Variants in TRAP1 observed in about 807,000 individuals in gnomAD.
TRAP1 encodes the protein TNF receptor associated protein 1, also known as heat shock protein 75 kDa, mitochondrial.
A neutral mutation model predicts 89.1 loss-of-function variants in TRAP1; 102 were observed. The ratio of observed to expected loss-of-function variants is 1.15; its 90% CI spans 0.98 to 1.35. TRAP1 has a LOEUF of 1.35. Among genes scored for constraint, TRAP1 ranks in the 40% most tolerant of loss-of-function variants. The pLI is 0.00. For missense variants in TRAP1, 1,256 were observed against 945.3 expected, an observed-to-expected ratio of 1.33 and a Z score of -4.31; for synonymous variants, 508 against 388.0, an observed-to-expected ratio of 1.31 and a Z score of -3.64.
rs148940269 is a variant in TRAP1, at chr16:3,674,377, G to T, written c.1006C>A (p.Pro336Thr). 8.7e-6 allele frequency: 14 copies of T among 1,613,992 alleles called. No homozygotes were observed. The African/African-American group carries it at 1.6e-4, about 18-fold the overall frequency. The change falls in exon 9 of 18, where the codon CCG (proline) becomes ACG (threonine). Residue 336 changes from proline (P) to threonine (T), a missense_variant. Physicochemically the swap from Pro to Thr is conservative, Grantham distance 38 (BLOSUM62 -1). Transcript: ENST00000246957. ...TAGAAGATGCTGCGGATGTTGAGCGGTGCGTCCGTCTTATAGTGCAGGGTG... is the reference window on the plus strand; with the variant it reads ...TAGAAGATGCTGCGGATGTTGAGCGTTGCGTCCGTCTTATAGTGCAGGGTG... ...RYTLHYKTDA[P>T]LNIRSIFYVP...
chr16:3,698,318 CTTTT>C (rs766928982), intron 1 of TRAP1, among the ~76,000 whole-genome samples: 1 of 141,682 alleles, frequency 7.1e-6, no homozygotes, highest in Admixed American at 7.1e-5. Flanking sequence ...TCCACAACAA[CTTTT>C]TTTTTTTTTT....
rs780992830 is a variant in TRAP1 at position 3,663,597 on chromosome 16, G to A, written c.1570-35C>T. The A allele has an allele frequency of 5.1e-5, 82 of 1,610,700 alleles. 1 individual carries two copies. Among genetic ancestry groups the A allele is most frequent in the South Asian group, 3.4e-4 (31 of 91,020 alleles). On this transcript the variant is annotated intron_variant, in intron 13 of 17. Coordinates refer to ENST00000246957, the MANE Select transcript of TRAP1 (RefSeq NM_016292.3). ...GCCAAGAGCAGCTCCATCAGACCCC[G>A]GGGGCCTCCAGCCACCACAGAAGAA...
rs531014976 is a variant in TRAP1, at chr16:3,700,383, TCTCTAA to T, written c.89-9404_89-9399del. Among the ~76,000 whole-genome samples, 183 of 151,966 alleles carry T rather than the reference TCTCTAA, an allele frequency of 1.2e-3. 5 individuals carry two copies. The South Asian group carries it at 0.036, about 30-fold the overall frequency. ...GGTTTCTCCATGTTGGTCAGGCTGC[TCTCTAA>T]CTCCTGACCTCAGGTGATCCGCCCA... On this transcript the variant is annotated intron_variant, in intron 1 of 17. Coordinates refer to ENST00000246957, the MANE Select transcript of TRAP1 (RefSeq NM_016292.3).
chr16:3,675,945 CAG>C (rs2050986473), intron 7 of TRAP1, 89 bp downstream of exon 7: 1 of 1,145,556 alleles, frequency 8.7e-7, no homozygotes, highest in African/African-American at 1.5e-5. Flanking sequence ...ACCCTACGTG[CAG>C]GTAGAACCAG....
At chr16:3,674,859 C>CA in intron 8 of TRAP1, 1 of 345,082 alleles carries the variant, frequency 2.9e-6, no homozygotes, top group East Asian at 6.2e-5. Flanking sequence ...AGGGGGAAGT[C>CA]AGTCACTGAG....
At position 3,689,081 on chromosome 16, in the gene TRAP1, C is replaced by A. The variant is rs770230270; in HGVS notation, c.304G>T (p.Ala102Ser). Reference sequence around the variant, plus strand: ...TCTTTTTCTGAGTACAGGGACCGGGCAACAATGTCCAAAAGCTTCTTTGTC... The same window carrying A: ...TCTTTTTCTGAGTACAGGGACCGGGAAACAATGTCCAAAAGCTTCTTTGTC... The part of the protein sequence containing the change: ...AETKKLLDIV[A>S]RSLYSEKEVF... Residue 102 changes from alanine (A) to serine (S), a missense_variant, in exon 3 of 18, where the codon GCC (alanine) becomes TCC (serine). Physicochemically the swap from Ala to Ser is moderately conservative, Grantham distance 99. Coordinates refer to ENST00000246957, the MANE Select transcript of TRAP1 (RefSeq NM_016292.3). 1.2e-5 allele frequency: 20 copies of A among 1,613,856 alleles called. No individual in the cohort carries two copies. The highest frequency in any genetic ancestry group is 5.5e-5 in the South Asian group (5 of 91,038).
intron 12 of TRAP1, 82 bp downstream of exon 12, chr16:3,665,889 T>A: frequency 6.5e-7 from 1 of 1,532,454 alleles, no homozygotes; most frequent in Non-Finnish European, 8.8e-7. Context: ...CGTCGCCACA[T>A]CAGGGGACAC....
intron 1 of TRAP1, among the ~76,000 whole-genome samples, chr16:3,704,655 C>A (rs532368795): frequency 6.6e-6 from 1 of 152,180 alleles, no homozygotes; most frequent in Non-Finnish European, 1.5e-5. Flanking sequence ...GAGCTCGAGG[C>A]CAGCCTAGGT....
At chr16:3,714,324 T>C (rs993517990) in intron 1 of TRAP1, among the ~76,000 whole-genome samples, 1 of 152,164 alleles carries the variant, frequency 6.6e-6, no homozygotes, top group Non-Finnish European at 1.5e-5. Flanking sequence ...ATGACAAATA[T>C]AAAGTCCACA....
intron 6 of TRAP1, 170 bp from the exon 7 acceptor site, chr16:3,676,315 A>C (rs1041372933): frequency 2.7e-5 from 9 of 333,420 alleles, no homozygotes; most frequent in Non-Finnish European, 3.7e-5. Context: ...TCACATGCCC[A>C]TCAGGAACGA....
chr16:3,694,693 G>T (rs1199796345), intron 1 of TRAP1, among the ~76,000 whole-genome samples: 1 of 152,126 alleles, frequency 6.6e-6, no homozygotes, highest in Non-Finnish European at 1.5e-5. Context: ...GCCCAGCCTG[G>T]TCTTGAACTC....
intron 1 of TRAP1, chr16:3,704,230 A>C (rs984634017): frequency 2.6e-5 from 4 of 152,288 alleles, no homozygotes; most frequent in Admixed American, 1.3e-4. Context: ...CTGTAATCTT[A>C]GCTACTCGCG....
intron 1 of TRAP1, among the ~76,000 whole-genome samples, chr16:3,717,063 C>A (rs2051606918): frequency 1.3e-5 from 2 of 152,366 alleles, no homozygotes; most frequent in South Asian, 4.1e-4. Flanking sequence ...CAACATGCAC[C>A]CGCAAAGACT....
At chr16:3,671,644 C>T (rs986951622) in intron 11 of TRAP1, 78 bp downstream of exon 11, 51 of 1,511,950 alleles carry the variant, frequency 3.4e-5, no homozygotes, top group Non-Finnish European at 4.1e-5. Context: ...TGGGCCACGG[C>T]TAGGGCCCTC....
intron 1 of TRAP1, among the ~76,000 whole-genome samples, chr16:3,709,392 T>C (rs6500552): frequency 0.43 from 65,261 of 152,034 alleles, 17,873 homozygotes; most frequent in African/African-American, 0.79. Flanking sequence ...CACTACCAGA[T>C]TGACAGATGT....
At chr16:3,663,391 C>T (rs1199195925) in intron 14 of TRAP1, 33 bp downstream of exon 14, 1 of 1,612,652 alleles carries the variant, frequency 6.2e-7, no homozygotes, top group Non-Finnish European at 8.5e-7. Flanking sequence ...GAGTGGAAAC[C>T]AGCCCCACGC....
chr16:3,705,698 G>A (rs1344286664), intron 1 of TRAP1, among the ~76,000 whole-genome samples: 1 of 152,032 alleles, frequency 6.6e-6, no homozygotes, highest in Non-Finnish European at 1.5e-5. Context: ...AATTTTTTGT[G>A]AGACAGAGTT....
intron 5 of TRAP1, chr16:3,678,530 C>T (rs969326589): frequency 6.6e-6 from 1 of 152,188 alleles, no homozygotes; most frequent in Non-Finnish European, 1.5e-5. Context: ...GTGGCGTGAT[C>T]TCAGCTCACT....
intron 1 of TRAP1, among the ~76,000 whole-genome samples, chr16:3,712,285 CAAAAAAAAAAAAAAAAAAAAAA>C (rs764259574): frequency 6.2e-5 from 2 of 32,082 alleles, no homozygotes; most frequent in Admixed American, 5.7e-4. Flanking sequence ...GAATCTGTCT[CAAAAAAAAAAAAAAAAAAAAAA>C]AAAAAAAAAA....
Sources: gnomAD v4.1 joint callset for allele counts (sites outside exome capture counted in the v4.1 genomes callset) on GRCh38, gnomAD v4.1.1 for gene constraint, MANE v1.5 for transcripts, NCBI Gene and HGNC (gene_info 2026-07-23, HGNC 2026-07-21) for gene names.